Variants in RANBP9 observed in about 807,000 individuals in gnomAD.
RANBP9 encodes the protein ran-binding protein 9.
A neutral mutation model predicts 84.3 loss-of-function variants in RANBP9; 15 were observed. The observed-to-expected ratio is 0.18, with a 90% CI of 0.12 to 0.27. The LOEUF (loss-of-function observed/expected upper bound fraction) is 0.27, where lower values mean the gene tolerates loss of function less well. RANBP9 is among the 10% of genes least tolerant of loss of function. The pLI, the probability that RANBP9 is intolerant of heterozygous loss-of-function variation, is 1.00. For synonymous variants in RANBP9, 392 were observed against 349.6 expected (o/e 1.12, Z -1.35); for missense variants, 809 against 912.8 (o/e 0.89, Z 1.46).
chr6:13,641,620 A>G (rs1765065958), intron 7 of RANBP9, among the ~76,000 whole-genome samples: 1 of 152,190 alleles, frequency 6.6e-6, no homozygotes, highest in South Asian at 2.1e-4. Context: ...TTAAAGGGAT[A>G]CTAAAATGCC....
intron 1 of RANBP9, among the ~76,000 whole-genome samples, chr6:13,709,287 C>G (rs183186757): frequency 6.6e-6 from 1 of 152,336 alleles, no homozygotes. Context: ...AACTTACACA[C>G]CACTCAGAGG....
At chr6:13,690,499 G>T (rs180706289) in intron 2 of RANBP9, among the ~76,000 whole-genome samples, 1 of 152,146 alleles carries the variant, frequency 6.6e-6, no homozygotes, top group East Asian at 1.9e-4. Context: ...AGCATAAAAG[G>T]AACATTCTGA....
intron 2 of RANBP9, among the ~76,000 whole-genome samples, chr6:13,685,879 C>T (rs796899534): frequency 2.7e-5 from 4 of 147,746 alleles, no homozygotes; most frequent in African/African-American, 7.5e-5. Context: ...TGCAGTAAGC[C>T]GAAATTGCAC....
intron 2 of RANBP9, among the ~76,000 whole-genome samples, chr6:13,662,178 T>TA (rs1378543968): frequency 6.6e-6 from 1 of 152,154 alleles, no homozygotes; most frequent in African/African-American, 2.4e-5. Flanking sequence ...ATTATCAATT[T>TA]AAAAAATACT....
chr6:13,622,212 A>G lies in RANBP9; in HGVS notation c.*150T>C. 2.8e-6 allele frequency: 2 copies of G among 713,506 alleles called. No individual in the cohort carries two copies. The highest frequency in any genetic ancestry group is 4.0e-6 in the Non-Finnish European group (2 of 504,854). 44.2% of individuals were successfully genotyped at this position (713,506 alleles called of 1,614,324 possible). A position where few individuals can be genotyped will look rare whatever the true frequency, so the allele number is the denominator to read the frequency against. On this transcript the variant is annotated 3_prime_UTR_variant, in exon 14 of 14. Transcript: ENST00000011619. ...AACACTAAGTTAGAAAATCATTTGC[A>G]TCATGCTGTAAACTAGGAAGCAATG... is the stretch of plus-strand genomic sequence containing the variant.
In RANBP9 at chr6:13,642,359, T is replaced by A. The variant is rs1765087586; in HGVS notation, c.1225+120A>T. 1.8e-5 allele frequency: 7 copies of A among 383,940 alleles called. No individual in the cohort carries two copies. In the South Asian group the frequency reaches 5.6e-4, roughly 31 times the overall value. 23.8% of individuals were successfully genotyped at this position (383,940 alleles called of 1,614,324 possible). On this transcript the variant is annotated intron_variant, in intron 7 of 13. Transcript: ENST00000011619. ...TCAGTGAAAATAAAATTCAGAGGCA[T>A]CCATTTTAAATTAATATATTTGAAA...
chr6:13,711,117 G>A lies in RANBP9; in HGVS notation c.389C>T (p.Ala130Val), dbSNP rs1758267733. 2.6e-6 allele frequency: 4 copies of A among 1,551,546 alleles called. No homozygotes were observed. Among genetic ancestry groups the A allele is most frequent in the Non-Finnish European group, 2.6e-6 (3 of 1,149,374 alleles). ...CGAGTCCCCGTGAGGGAAGGGGGCCGCGGCGCTGCTGCCCGCCACCAGAGC... is the reference window on the plus strand; with the variant it reads ...CGAGTCCCCGTGAGGGAAGGGGGCCACGGCGCTGCTGCCCGCCACCAGAGC... ...TPALVAGSSA[A>V]APFPHGDSAL... is the part of the protein sequence containing the mutation. Residue 130 changes from alanine (A) to valine (V), a missense_variant, in exon 1 of 14, where the codon GCG becomes GTG. This residue lies in a region of RANBP9 where 302 missense variants were observed against 240.1 expected (regional missense o/e 1.26). Coordinates refer to ENST00000011619, the MANE Select transcript of RANBP9 (RefSeq NM_005493.3).
intron 6 of RANBP9, among the ~76,000 whole-genome samples, chr6:13,642,874 T>C (rs900447999): frequency 1.3e-5 from 2 of 152,220 alleles, no homozygotes; most frequent in Non-Finnish European, 2.9e-5. Context: ...TTTTCTTTGA[T>C]TCTTGGACTC....
chr6:13,689,127 A>C (rs534028860), intron 2 of RANBP9, among the ~76,000 whole-genome samples: 6 of 152,044 alleles, frequency 3.9e-5, no homozygotes, highest in Non-Finnish European at 7.4e-5. Context: ...ACTGTACTAC[A>C]GCCTGGGTGA....
intron 13 of RANBP9, among the ~76,000 whole-genome samples, chr6:13,623,155 T>C (rs1764502617): frequency 6.6e-6 from 1 of 152,180 alleles, no homozygotes; most frequent in African/African-American, 2.4e-5. Context: ...GTAGTACAAA[T>C]GCAATAATTA....
At chr6:13,691,220 T>A (rs2113348400) in intron 2 of RANBP9, among the ~76,000 whole-genome samples, 2 of 150,838 alleles carry the variant, frequency 1.3e-5, no homozygotes, top group African/African-American at 4.9e-5. Context: ...TCTTGTGAAA[T>A]GCATTAGATT....
intron 11 of RANBP9, 49 bp downstream of exon 11, chr6:13,634,382 C>T (rs774572534): frequency 1.1e-5 from 17 of 1,594,092 alleles, no homozygotes; most frequent in Admixed American, 1.0e-4. Flanking sequence ...AAAACATAAC[C>T]TTGTAGCCAT....
intron 1 of RANBP9, among the ~76,000 whole-genome samples, chr6:13,705,883 A>AAAAG (rs1758101524): frequency 1.3e-5 from 2 of 151,778 alleles, no homozygotes; most frequent in South Asian, 4.2e-4. Flanking sequence ...AAAAAAAAAA[A>AAAAG]AAAGAAACAT....
chr6:13,698,643 A>G (rs1478340393), intron 1 of RANBP9, among the ~76,000 whole-genome samples: 1 of 152,230 alleles, frequency 6.6e-6, no homozygotes, highest in East Asian at 1.9e-4. Flanking sequence ...AATAACAAAT[A>G]ATAGTTACAT....
At chr6:13,672,030 A>T (rs1765789436) in intron 2 of RANBP9, among the ~76,000 whole-genome samples, 1 of 152,188 alleles carries the variant, frequency 6.6e-6, no homozygotes, top group Non-Finnish European at 1.5e-5. Context: ...GAACACTTTA[A>T]AAGTAAGTAG....
chr6:13,705,235 C>A (rs1758073947), intron 1 of RANBP9, among the ~76,000 whole-genome samples: 1 of 151,624 alleles, frequency 6.6e-6, no homozygotes, highest in Non-Finnish European at 1.5e-5. Flanking sequence ...AAAACCCCAT[C>A]GCTACTAAAT....
At chr6:13,695,381 A>T (rs1040572577) in intron 2 of RANBP9, among the ~76,000 whole-genome samples, 2 of 148,052 alleles carry the variant, frequency 1.4e-5, no homozygotes, top group African/African-American at 5.0e-5. Flanking sequence ...TTCTAGCAAT[A>T]GTGAAACCAC....
intron 2 of RANBP9, among the ~76,000 whole-genome samples, chr6:13,663,205 C>G (rs1033176518): frequency 6.6e-6 from 1 of 151,954 alleles, no homozygotes; most frequent in African/African-American, 2.4e-5. Context: ...TTCACAGGAA[C>G]ACTGAGTTGA....
intron 2 of RANBP9, among the ~76,000 whole-genome samples, chr6:13,695,692 C>T (rs1766429787): frequency 6.6e-6 from 1 of 152,120 alleles, no homozygotes; most frequent in Non-Finnish European, 1.5e-5. Flanking sequence ...CTCTCAACCA[C>T]TCTATCCTTG....
Sources: gnomAD v4.1 joint callset for allele counts (sites outside exome capture counted in the v4.1 genomes callset) on GRCh38, gnomAD v4.1.1 for gene constraint, gnomAD v4.1.1 regional missense constraint, MANE v1.5 for transcripts, NCBI Gene and HGNC (gene_info 2026-07-23, HGNC 2026-07-21) for gene names.